The following SH3GLB2 variants were observed in gnomAD, a reference collection of about 807,000 sequenced individuals.
SH3GLB2 encodes SH3 domain containing GRB2 like, endophilin B2, also known as endophilin-B2.
SH3GLB2 carries 24 observed loss-of-function variants against 48.0 expected under a neutral mutation model. That is an observed-to-expected ratio of 0.50 (90% CI 0.36 to 0.70). The LOEUF is 0.70. SH3GLB2 is among the 30% of genes least tolerant of loss of function. SH3GLB2 has a pLI of 0.00. For missense variants in SH3GLB2, 425 were observed against 516.0 expected (o/e 0.82, Z 1.71); for synonymous variants, 227 against 207.6 (o/e 1.09, Z -0.80).
intron 1 of SH3GLB2, among the ~76,000 whole-genome samples, chr9:129,022,720 CT>C (rs2131294414): frequency 1.3e-5 from 2 of 152,336 alleles, no homozygotes; most frequent in African/African-American, 4.8e-5. Flanking sequence ...TGGCACACAG[CT>C]TAGTGCGGTG....
chr9:129,020,534 G>A (rs868776051), intron 3 of SH3GLB2, among the ~76,000 whole-genome samples: 39 of 144,624 alleles, frequency 2.7e-4, no homozygotes, highest in African/African-American at 8.6e-4. Flanking sequence ...TCGCACCACC[G>A]CACTCCAGCC....
chr9:129,016,670 T>C (rs1172624625), intron 3 of SH3GLB2, among the ~76,000 whole-genome samples: 1 of 151,814 alleles, frequency 6.6e-6, no homozygotes, highest in African/African-American at 2.4e-5. Flanking sequence ...AGATACACTT[T>C]AAATTTAAAG....
intron 7 of SH3GLB2, 25 bp downstream of exon 7, chr9:129,010,645 C>T: frequency 6.2e-7 from 1 of 1,613,712 alleles, no homozygotes; most frequent in Non-Finnish European, 8.5e-7. Context: ...CTTCCTCGAG[C>T]CCAGCCCCCC....
At position 129,010,573 on chromosome 9, in the gene SH3GLB2, G is replaced by C. The variant is rs1210801552; in HGVS notation, c.648+97C>G. 7.1e-6 allele frequency: 10 copies of C among 1,413,184 alleles called. No homozygotes were observed. The East Asian group carries it at 2.3e-4, about 32-fold the overall frequency. The allele number at this position is 1,413,184 out of a possible 1,614,324, so 87.5% of individuals were successfully genotyped here. ...AGTAACCCCTCCCCAGTGGGTGTGG[G>C]GCAGAGTGAGAAACAGATCAGACCC... On this transcript the variant is annotated intron_variant, in intron 7 of 10. Coordinates refer to ENST00000372564, the MANE Select transcript of SH3GLB2 (RefSeq NM_020145.4).
chr9:129,013,114 T>C, intron 5 of SH3GLB2: 1 of 1,442,234 alleles, frequency 6.9e-7, no homozygotes, highest in Non-Finnish European at 9.5e-7. Context: ...CAGGCCCCAG[T>C]GGGAGGGGAC....
chr9:129,010,778 C>T, intron 6 of SH3GLB2, 85 bp from the exon 7 acceptor site: 1 of 1,544,018 alleles, frequency 6.5e-7, no homozygotes. Flanking sequence ...GCCCCAGCTC[C>T]CAGACTCAAC....
At position 129,007,351 on chromosome 9, in the gene SH3GLB2, C is replaced by G. The variant is rs1427695829; in HGVS notation, c.*1333G>C. 6.6e-6 allele frequency: 1 copy of G among 152,312 alleles called. No individual in the cohort carries two copies. Among genetic ancestry groups the G allele is most frequent in the Non-Finnish European group, 1.5e-5 (1 of 68,124 alleles). The allele number at this position is 152,312 out of a possible 1,614,324, so 9.4% of individuals were successfully genotyped here. A position where few individuals can be genotyped will look rare whatever the true frequency, so the allele number is the denominator to read the frequency against. On this transcript the variant is annotated 3_prime_UTR_variant, in exon 11 of 11. Coordinates refer to ENST00000372564, the MANE Select transcript of SH3GLB2 (RefSeq NM_020145.4). ...ACCCTGCTTTCATTGGCCCAGTGGG[C>G]TGAGCTCATCCCTGGGTGAGCCTTT...
rs1843091294 is a variant in SH3GLB2 at position 129,011,032 on chromosome 9, G to A, written c.625-339C>T. 2.7e-6 allele frequency: 1 copy of A among 373,134 alleles called. No homozygotes were observed. Among genetic ancestry groups the A allele is most frequent in the South Asian group, 4.1e-5 (1 of 24,220 alleles). The allele number at this position is 373,134 out of a possible 1,614,324, so 23.1% of individuals were successfully genotyped here. ...ACTGCTGGCTCAGGCTGCTGGGCTG[G>A]GCGGCAGAACTGTGTGACCCTGGGC... On this transcript the variant is annotated intron_variant, in intron 6 of 10. Transcript: ENST00000372564. This position sits in a 1 kb window ranked among gnomAD's most constrained non-coding sequence, Gnocchi z 4.5.
chr9:129,012,548 G>A (rs945052346), intron 5 of SH3GLB2: 7 of 422,190 alleles, frequency 1.7e-5, no homozygotes, highest in South Asian at 8.4e-5. Flanking sequence ...GAGCAAATGC[G>A]GTGAGGAGAT....
Position 129,014,462 on chromosome 9 carries a change from A to G in SH3GLB2, c.510T>C (p.Asp170=), listed in dbSNP as rs1275657996. The G allele has an allele frequency of 2.6e-6, 4 of 1,550,934 alleles. No individual in the cohort carries two copies. The highest frequency in any genetic ancestry group is 2.4e-5 in the East Asian group (1 of 40,922). The change falls in exon 5 of 11, where the codon GAT becomes GAC. Residue 170 remains aspartate (D), a synonymous_variant. Coordinates refer to ENST00000372564, the MANE Select transcript of SH3GLB2 (RefSeq NM_020145.4). The surrounding 1 kb of genome is among the most constrained non-coding windows in gnomAD (Gnocchi z 4.1). ...RLLQNRRLDL[D]ACKARLKKAK... Reference sequence around the variant, plus strand: ...CCTTCTTCAGCCTCGCTTTGCAGGCATCCAAGTCCAGACGCCGGTTTTGGA... The same window carrying G: ...CCTTCTTCAGCCTCGCTTTGCAGGCGTCCAAGTCCAGACGCCGGTTTTGGA...
At chr9:129,028,068 G>A (rs1268278495) in intron 1 of SH3GLB2, 24 bp downstream of exon 1, 23 of 1,497,282 alleles carry the variant, frequency 1.5e-5, no homozygotes, top group Non-Finnish European at 2.0e-5. Context: ...GGCCCCCGGC[G>A]CACGGCGCGA....
At position 129,014,556 on chromosome 9, in the gene SH3GLB2, T is replaced by C; in HGVS notation, c.469-53A>G. On this transcript the variant is annotated intron_variant, in intron 4 of 10. Transcript: ENST00000372564. The surrounding 1 kb of genome is among the most constrained non-coding windows in gnomAD (Gnocchi z 4.1). ...GACCCTGGGCTGCCCTGGGAGACCC[T>C]GAGCCATGCATGGCAAGATTGGTGC... 3.9e-6 allele frequency: 6 copies of C among 1,532,050 alleles called. No individual in the cohort carries two copies. Among genetic ancestry groups the C allele is most frequent in the Non-Finnish European group, 5.3e-6 (6 of 1,129,312 alleles). The allele number at this position is 1,532,050 out of a possible 1,614,324, so 94.9% of individuals were successfully genotyped here.
Position 129,014,468 on chromosome 9 carries a change from G to A in SH3GLB2, c.504C>T (p.Asp168=). Reference sequence around the variant, plus strand: ...TCAGCCTCGCTTTGCAGGCATCCAAGTCCAGACGCCGGTTTTGGAGGAGCC... The same window carrying A: ...TCAGCCTCGCTTTGCAGGCATCCAAATCCAGACGCCGGTTTTGGAGGAGCC... ...ERRLLQNRRL[D]LDACKARLKK... The change falls in exon 5 of 11, where the codon GAC becomes GAT. Residue 168 remains aspartate, a synonymous_variant. Coordinates refer to ENST00000372564, the MANE Select transcript of SH3GLB2 (RefSeq NM_020145.4). The surrounding 1 kb of genome is among the most constrained non-coding windows in gnomAD (Gnocchi z 4.1). 6.4e-7 allele frequency: 1 copy of A among 1,551,038 alleles called. No homozygotes were observed. Among genetic ancestry groups the A allele is most frequent in the Non-Finnish European group, 8.7e-7 (1 of 1,147,100 alleles).
Position 129,014,969 on chromosome 9 carries a change from AG to A in SH3GLB2, c.335-66del. ...CTCAGGCTACTCTGATCTACAGGAGAGGGCTCAGGAAGAGCTTGCTGAAGAG... is the reference window on the plus strand; with the variant it reads ...CTCAGGCTACTCTGATCTACAGGAGAGGCTCAGGAAGAGCTTGCTGAAGAG... On this transcript the variant is annotated intron_variant, in intron 3 of 10. Transcript: ENST00000372564. The surrounding 1 kb of genome is among the most constrained non-coding windows in gnomAD (Gnocchi z 4.1). 1 of 1,563,946 alleles carries A rather than the reference AG, an allele frequency of 6.4e-7. No homozygotes were observed. The highest frequency in any genetic ancestry group is 8.6e-7 in the Non-Finnish European group (1 of 1,156,510).
chr9:129,010,012 A>C, intron 8 of SH3GLB2, 108 bp downstream of exon 8: 1 of 1,383,388 alleles, frequency 7.2e-7, no homozygotes, highest in Non-Finnish European at 1.0e-6. Flanking sequence ...CCCCGGTGGG[A>C]CTTGCTCTGT....
intron 7 of SH3GLB2, 68 bp downstream of exon 7, chr9:129,010,602 A>G (rs1843056930): frequency 1.3e-6 from 2 of 1,569,172 alleles, no homozygotes; most frequent in Non-Finnish European, 1.8e-6. Context: ...CAGACCCCAC[A>G]GCAGCAAGTG....
intron 2 of SH3GLB2, 32 bp from the exon 3 acceptor site, chr9:129,021,251 C>G: frequency 6.4e-7 from 1 of 1,574,484 alleles, no homozygotes; most frequent in Non-Finnish European, 8.6e-7. Context: ...AGCCACAGGG[C>G]TCCTTAGTTC....
At chr9:129,023,788 G>T (rs1843965127) in intron 1 of SH3GLB2, among the ~76,000 whole-genome samples, 1 of 152,148 alleles carries the variant, frequency 6.6e-6, no homozygotes, top group Non-Finnish European at 1.5e-5. Flanking sequence ...CAGGGGTATG[G>T]CCTCAGCTCC....
chr9:129,025,263 CAA>C (rs530346854), intron 1 of SH3GLB2, among the ~76,000 whole-genome samples: 17 of 33,442 alleles, frequency 5.1e-4, no homozygotes, highest in Admixed American at 1.3e-3. Context: ...GACTCCGTCT[CAA>C]AAAAAAAAAA....
Sources: gnomAD v4.1 joint callset for allele counts (sites outside exome capture counted in the v4.1 genomes callset) on GRCh38, gnomAD v4.1.1 for gene constraint, Gnocchi (gnomAD v3.1) non-coding constraint, MANE v1.5 for transcripts, NCBI Gene and HGNC (gene_info 2026-07-23, HGNC 2026-07-21) for gene names.